Variants in STK32A observed in about 807,000 individuals in gnomAD.
STK32A encodes the protein serine/threonine-protein kinase 32A.
Under a neutral mutation model 53.2 loss-of-function variants are expected in STK32A, and 41 were observed. The ratio of observed to expected loss-of-function variants is 0.77; its 90% CI spans 0.60 to 1.00. STK32A has a LOEUF of 1.00. Ranked by LOEUF, STK32A falls within the 50% of genes least tolerant of loss-of-function variation. The pLI is 0.00. For synonymous variants in STK32A, 166 were observed against 162.8 expected (o/e 1.02, Z -0.15); for missense variants, 458 against 485.8 (o/e 0.94, Z 0.54).
Position 147,370,111 on chromosome 5 carries a change from C to G in STK32A, c.661-543C>G, listed in dbSNP as rs75575485. Among the ~76,000 whole-genome samples the G allele has an allele frequency of 1.1e-4, 16 of 152,260 alleles. No homozygotes were observed. In the East Asian group the frequency reaches 3.1e-3, roughly 29 times the overall value. On this transcript the variant is annotated intron_variant, in intron 8 of 12. Transcript: ENST00000397936. ...TTCTGCCTCATCACAAAATTCTCCA[C>G]CCTGCCATACTCTGTGGAACCAGGG...
intron 5 of STK32A, among the ~76,000 whole-genome samples, chr5:147,341,382 G>A (rs888761081): frequency 6.6e-6 from 1 of 152,176 alleles, no homozygotes; most frequent in African/African-American, 2.4e-5. Flanking sequence ...GTGTCATTAA[G>A]TTCTTCATTT....
intron 4 of STK32A, among the ~76,000 whole-genome samples, chr5:147,314,726 A>G (rs898823020): frequency 2.1e-5 from 3 of 144,960 alleles, no homozygotes; most frequent in African/African-American, 7.8e-5. Flanking sequence ...TTTCATACCT[A>G]TTGCTTTCTT....
At chr5:147,313,063 CAAAAAAAAAAAA>C (rs71583952) in intron 4 of STK32A, among the ~76,000 whole-genome samples, 1 of 78,676 alleles carries the variant, frequency 1.3e-5, no homozygotes, top group African/African-American at 4.9e-5. Context: ...CTCATCTCTA[CAAAAAAAAAAAA>C]AAAAAAAAAA....
intron 8 of STK32A, among the ~76,000 whole-genome samples, chr5:147,366,526 A>G (rs1348938826): frequency 6.6e-6 from 1 of 152,200 alleles, no homozygotes; most frequent in African/African-American, 2.4e-5. Flanking sequence ...ATGACAAAAT[A>G]GCACTTTCTC....
the STK32A span, chr5:147,395,426 C>A: frequency 9.1e-7 from 1 of 1,098,046 alleles, no homozygotes; most frequent in South Asian, 1.5e-5. Context: ...CAGTAACCTT[C>A]TCCCTAAAGT....
chr5:147,282,911 C>T (rs1308623866), intron 4 of STK32A, among the ~76,000 whole-genome samples: 1 of 152,098 alleles, frequency 6.6e-6, no homozygotes, highest in African/African-American at 2.4e-5. Context: ...AACAAAGAAA[C>T]AATGGATTTA....
chr5:147,297,795 T>C (rs1439095495), intron 4 of STK32A, among the ~76,000 whole-genome samples: 1 of 152,032 alleles, frequency 6.6e-6, no homozygotes, highest in Non-Finnish European at 1.5e-5. Flanking sequence ...CTGGTTCACA[T>C]GGTGAAATCC....
chr5:147,300,299 C>A (rs945901393), intron 4 of STK32A, among the ~76,000 whole-genome samples: 1 of 152,102 alleles, frequency 6.6e-6, no homozygotes, highest in African/African-American at 2.4e-5. Context: ...AGTGGCAGAG[C>A]GAGGACTCAA....
chr5:147,255,969 G>A (rs960382029), intron 2 of STK32A, among the ~76,000 whole-genome samples: 23 of 152,202 alleles, frequency 1.5e-4, no homozygotes, highest in African/African-American at 5.5e-4. Flanking sequence ...CTCGCTTTAC[G>A]ATGTCTTATT....
At position 147,384,661 on chromosome 5, in the gene STK32A, TG is replaced by T. The variant is rs1757580367; in HGVS notation, c.*681del. On this transcript the variant is annotated 3_prime_UTR_variant, in exon 13 of 13. Transcript: ENST00000397936. ...AGTGGTAACTTGAAATTGGTAATAATGGGAGCATTTACACCACGGAAACTGG... is the reference window on the plus strand; with the variant it reads ...AGTGGTAACTTGAAATTGGTAATAATGGAGCATTTACACCACGGAAACTGG... 1.6e-5 allele frequency: 7 copies of T among 438,406 alleles called. No homozygotes were observed. The highest frequency in any genetic ancestry group is 5.7e-5 in the South Asian group (1 of 17,642). 27.2% of individuals were successfully genotyped at this position (438,406 alleles called of 1,614,324 possible). A position where few individuals can be genotyped will look rare whatever the true frequency, so the allele number is the denominator to read the frequency against.
At chr5:147,267,973 C>A (rs573255094) in intron 2 of STK32A, among the ~76,000 whole-genome samples, 1 of 152,160 alleles carries the variant, frequency 6.6e-6, no homozygotes, top group African/African-American at 2.4e-5. Context: ...TTCTAGGCAG[C>A]CTTTAACAAA....
chr5:147,316,145 T>A (rs1301751647), intron 4 of STK32A, among the ~76,000 whole-genome samples: 1 of 152,216 alleles, frequency 6.6e-6, no homozygotes, highest in Non-Finnish European at 1.5e-5. Flanking sequence ...GTGTTGAGTG[T>A]ATACAGTGGG....
chr5:147,317,044 A>G (rs1754029763), intron 4 of STK32A, among the ~76,000 whole-genome samples: 1 of 151,870 alleles, frequency 6.6e-6, no homozygotes, highest in African/African-American at 2.4e-5. Context: ...CATCAAGACA[A>G]CAATAATTAA....
At chr5:147,239,841 A>G (rs370976627) in intron 2 of STK32A, 155 bp downstream of exon 2, 2 of 609,252 alleles carry the variant, frequency 3.3e-6, no homozygotes, top group East Asian at 2.9e-5. Context: ...TTGTAGGCTC[A>G]TAGCTAGGTT....
intron 11 of STK32A, among the ~76,000 whole-genome samples, chr5:147,379,471 G>A (rs1204108401): frequency 6.6e-6 from 1 of 152,016 alleles, no homozygotes; most frequent in Non-Finnish European, 1.5e-5. Flanking sequence ...CTTGTTCTGA[G>A]TAAATTAGTG....
intron 4 of STK32A, among the ~76,000 whole-genome samples, chr5:147,284,930 T>G (rs971167977): frequency 6.6e-6 from 1 of 152,242 alleles, no homozygotes; most frequent in East Asian, 1.9e-4. Context: ...ACCATCATTC[T>G]TCACAGAATT....
intron 2 of STK32A, among the ~76,000 whole-genome samples, chr5:147,253,459 G>T (rs1754088546): frequency 6.6e-6 from 1 of 152,118 alleles, no homozygotes; most frequent in Admixed American, 6.5e-5. Context: ...TGCTGTGGAG[G>T]TTTCTGTACG....
chr5:147,337,768 G>A (rs1669272557), intron 5 of STK32A, among the ~76,000 whole-genome samples: 1 of 152,080 alleles, frequency 6.6e-6, no homozygotes, highest in Non-Finnish European at 1.5e-5. Flanking sequence ...AGCGAACTAT[G>A]GGCAGGAATT....
intron 11 of STK32A, among the ~76,000 whole-genome samples, chr5:147,381,718 A>G (rs1757462063): frequency 1.3e-5 from 2 of 151,512 alleles, no homozygotes; most frequent in Admixed American, 1.3e-4. Context: ...CTTGGGATAC[A>G]CTGTGCCTTT....
Sources: gnomAD v4.1 joint callset for allele counts (sites outside exome capture counted in the v4.1 genomes callset) on GRCh38, gnomAD v4.1.1 for gene constraint, MANE v1.5 for transcripts, NCBI Gene and HGNC (gene_info 2026-07-23, HGNC 2026-07-21) for gene names.